Variants in CMIP observed in about 807,000 individuals in gnomAD.
CMIP encodes c-Maf inducing protein, also known as C-Maf-inducing protein.
CMIP carries 13 observed loss-of-function variants against 97.3 expected under a neutral mutation model. That is an observed-to-expected ratio of 0.13 (90% CI 0.09 to 0.21). The LOEUF (loss-of-function observed/expected upper bound fraction) is 0.21, where lower values mean the gene tolerates loss of function less well. Among genes scored for constraint, CMIP ranks in the 10% least tolerant of loss-of-function variants. The pLI, the probability that CMIP is intolerant of heterozygous loss-of-function variation, is 1.00. For synonymous variants in CMIP, 538 were observed against 436.3 expected (o/e 1.23, Z -2.91); for missense variants, 847 against 1,024.9 (o/e 0.83, Z 2.37).
intron 3 of CMIP, among the ~76,000 whole-genome samples, chr16:81,626,810 T>TGGGG (rs1249703827): frequency 9.0e-6 from 1 of 110,606 alleles, no homozygotes; most frequent in Non-Finnish European, 1.9e-5. Context: ...TGTGTGTGTG[T>TGGGG]GTGTGTGGGG....
intron 1 of CMIP, among the ~76,000 whole-genome samples, chr16:81,556,453 G>A (rs1379023829): frequency 6.6e-6 from 1 of 152,086 alleles, no homozygotes. Flanking sequence ...TTATATTCGC[G>A]CCAACAATGC....
At chr16:81,612,455 G>A (rs1313320062) in intron 2 of CMIP, among the ~76,000 whole-genome samples, 1 of 152,150 alleles carries the variant, frequency 6.6e-6, no homozygotes, top group East Asian at 1.9e-4. Context: ...CTTTCTTACT[G>A]GAAGGTAGCA....
chr16:81,702,096 C>T (rs1907482357), intron 16 of CMIP, among the ~76,000 whole-genome samples: 1 of 152,160 alleles, frequency 6.6e-6, no homozygotes, highest in Non-Finnish European at 1.5e-5. Context: ...TTCCAAATGC[C>T]AGCACCCACA....
chr16:81,526,026 TC>T (rs1206210246), intron 1 of CMIP, among the ~76,000 whole-genome samples: 2 of 150,710 alleles, frequency 1.3e-5, no homozygotes, highest in Non-Finnish European at 3.0e-5. Context: ...GTGTGTGTGT[TC>T]GTCCATTCAG....
chr16:81,575,938 CA>C, intron 1 of CMIP, among the ~76,000 whole-genome samples: 1 of 152,152 alleles, frequency 6.6e-6, no homozygotes, highest in Non-Finnish European at 1.5e-5. Flanking sequence ...TAAGACTTTT[CA>C]AAATAAGAGT....
intron 1 of CMIP, among the ~76,000 whole-genome samples, chr16:81,551,306 C>T (rs919442728): frequency 6.6e-6 from 1 of 152,200 alleles, no homozygotes; most frequent in African/African-American, 2.4e-5. Flanking sequence ...CAACCAAAAG[C>T]CAGGAAAATG....
chr16:81,558,762 A>G (rs1050286350), intron 1 of CMIP, among the ~76,000 whole-genome samples: 1 of 152,098 alleles, frequency 6.6e-6, no homozygotes, highest in African/African-American at 2.4e-5. Context: ...CTTTTCTTGG[A>G]TTGTCTCATT....
chr16:81,669,041 ACT>A (rs1294665925), intron 7 of CMIP, among the ~76,000 whole-genome samples: 48 of 114,580 alleles, frequency 4.2e-4, no homozygotes, highest in African/African-American at 1.5e-3. Flanking sequence ...CACCCACCAC[ACT>A]CTCCTCCTTC....
At chr16:81,475,953 C>A in intron 1 of CMIP, 1 of 440,032 alleles carries the variant, frequency 2.3e-6, no homozygotes, top group South Asian at 2.0e-5. Flanking sequence ...CTCCACTGCG[C>A]TCCAGCGTGG....
At chr16:81,707,517 T>C (rs1306653412) in intron 20 of CMIP, among the ~76,000 whole-genome samples, 2 of 152,170 alleles carry the variant, frequency 1.3e-5, no homozygotes, top group East Asian at 1.9e-4. Context: ...CAGCGAGTCA[T>C]GCTTTTCAAA....
intron 3 of CMIP, among the ~76,000 whole-genome samples, chr16:81,626,633 G>A (rs1355030458): frequency 6.9e-6 from 1 of 145,118 alleles, no homozygotes; most frequent in African/African-American, 2.6e-5. Context: ...TGTGTGGGTG[G>A]CTTATGAGTG....
intron 1 of CMIP, among the ~76,000 whole-genome samples, chr16:81,504,939 T>A (rs2089681108): frequency 6.6e-6 from 1 of 152,240 alleles, no homozygotes; most frequent in East Asian, 1.9e-4. Context: ...CACAGACAGT[T>A]TGGAAAGTGC....
chr16:81,445,054 G>T lies in CMIP; in HGVS notation c.-188G>T. 1 of 213,802 alleles carries T rather than the reference G, an allele frequency of 4.7e-6. No homozygotes were observed. The allele number at this position is 213,802 out of a possible 1,614,324, so 13.2% of individuals were successfully genotyped here. A position where few individuals can be genotyped will look rare whatever the true frequency, so the allele number is the denominator to read the frequency against. On this transcript the variant is annotated 5_prime_UTR_variant, in exon 1 of 21. Coordinates refer to ENST00000537098, the MANE Select transcript of CMIP (RefSeq NM_198390.3). ...AGCCCCGCAGGAAGCGCCGAGGCCG[G>T]CCCAGCCCGCCGCACGCGCCGCCCC...
intron 1 of CMIP, among the ~76,000 whole-genome samples, chr16:81,488,364 A>T (rs1309493052): frequency 6.6e-6 from 1 of 152,126 alleles, no homozygotes; most frequent in Admixed American, 6.5e-5. Flanking sequence ...CCTGTCTCTA[A>T]ACTGGGCATA....
In CMIP at chr16:81,490,898, C is replaced by T. The variant is rs537654424; in HGVS notation, c.300+45357C>T. 5.9e-5 allele frequency among the ~76,000 whole-genome samples: 9 copies of T among 152,276 alleles called. No individual in the cohort carries two copies. The South Asian group carries it at 1.9e-3, about 32-fold the overall frequency. ...GGCATCGAACTGGGTGCAGAATACACACTTTCTCCTTTTATCTAGTGATCC... is the reference window on the plus strand; with the variant it reads ...GGCATCGAACTGGGTGCAGAATACATACTTTCTCCTTTTATCTAGTGATCC... On this transcript the variant is annotated intron_variant, in intron 1 of 20. Coordinates refer to ENST00000537098, the MANE Select transcript of CMIP (RefSeq NM_198390.3).
chr16:81,643,173 G>C (rs1018178609), intron 3 of CMIP, among the ~76,000 whole-genome samples: 5 of 152,222 alleles, frequency 3.3e-5, no homozygotes, highest in Admixed American at 6.5e-5. Context: ...GTGGAGGAGA[G>C]GAAGTGAGGC....
In CMIP at chr16:81,625,875, G is replaced by A. The variant is rs535405713; in HGVS notation, c.477+4949G>A. On this transcript the variant is annotated intron_variant, in intron 3 of 20. Coordinates refer to ENST00000537098, the MANE Select transcript of CMIP (RefSeq NM_198390.3). Reference sequence around the variant, plus strand: ...TGGAAACCAAGATGGTTTTTCCCCAGGGGAAGTGAGGTCACTCAGAACAGC... The same window carrying A: ...TGGAAACCAAGATGGTTTTTCCCCAAGGGAAGTGAGGTCACTCAGAACAGC... Among the ~76,000 whole-genome samples the A allele has an allele frequency of 3.3e-5, 5 of 152,362 alleles. No homozygotes were observed. In the South Asian group the frequency reaches 8.3e-4, roughly 25 times the overall value.
intron 1 of CMIP, among the ~76,000 whole-genome samples, chr16:81,489,841 G>A (rs1187957148): frequency 6.6e-6 from 1 of 152,228 alleles, no homozygotes; most frequent in Non-Finnish European, 1.5e-5. Context: ...GGAGAGTCTC[G>A]GGAACTTCCC....
chr16:81,573,254 G>C (rs1005097582), intron 1 of CMIP, among the ~76,000 whole-genome samples: 1 of 151,896 alleles, frequency 6.6e-6, no homozygotes, highest in Non-Finnish European at 1.5e-5. Flanking sequence ...TGAGTCAAGA[G>C]AATTGCTTGA....
Sources: allele counts gnomAD v4.1 joint callset (sites outside exome capture counted in the v4.1 genomes callset), GRCh38; gene constraint gnomAD v4.1.1; transcripts MANE v1.5; gene names NCBI Gene and HGNC (gene_info 2026-07-23, HGNC 2026-07-21).